The following IFT57 variants were observed in gnomAD, a reference collection of about 807,000 sequenced individuals.
IFT57 encodes intraflagellar transport 57.
IFT57 carries 59 observed loss-of-function variants against 56.8 expected under a neutral mutation model. That is an observed-to-expected ratio of 1.04 (90% CI 0.84 to 1.29). The LOEUF (loss-of-function observed/expected upper bound fraction) is 1.29. Among genes scored for constraint, IFT57 ranks in the 50% most tolerant of loss-of-function variants. The pLI is 0.00. For synonymous variants in IFT57, 209 were observed against 186.1 expected (o/e 1.12, Z -1.00); for missense variants, 470 against 522.1 (o/e 0.90, Z 0.97).
chr3:108,181,383 T>C (rs1417909728), intron 6 of IFT57, among the ~76,000 whole-genome samples: 1 of 152,058 alleles, frequency 6.6e-6, no homozygotes, highest in African/African-American at 2.4e-5. Context: ...ACAGCTGACC[T>C]TGCAATACAA....
At chr3:108,217,806 T>G (rs1403339980) in intron 3 of IFT57, among the ~76,000 whole-genome samples, 1 of 151,624 alleles carries the variant, frequency 6.6e-6, no homozygotes, top group East Asian at 1.9e-4. Flanking sequence ...AATCCCAAAC[T>G]GCAAAGCATA....
chr3:108,212,334 G>A (rs757488530), intron 4 of IFT57, among the ~76,000 whole-genome samples: 42 of 151,960 alleles, frequency 2.8e-4, no homozygotes, highest in African/African-American at 8.9e-4. Context: ...ACCGCCTCCC[G>A]AAGAGCTGGG....
chr3:108,203,412 T>C (rs2080290747), intron 5 of IFT57, among the ~76,000 whole-genome samples: 1 of 152,242 alleles, frequency 6.6e-6, no homozygotes, highest in Non-Finnish European at 1.5e-5. Flanking sequence ...CTCAGGAATA[T>C]GCTTGTGTAG....
rs377499747 is a variant in IFT57 at position 108,165,829 on chromosome 3, G to A, written c.982-336C>T. Among the ~76,000 whole-genome samples, 7 of 152,114 alleles carry A rather than the reference G, an allele frequency of 4.6e-5. No individual in the cohort carries two copies. The East Asian group carries it at 7.7e-4, about 17-fold the overall frequency. On this transcript the variant is annotated intron_variant, in intron 8 of 10. Coordinates refer to ENST00000264538, the MANE Select transcript of IFT57 (RefSeq NM_018010.4). ...TTGGTCAATCTAATTTGCATGCTCC[G>A]CAGAGAAAGTCCGTTCTAAAACCAA...
intron 5 of IFT57, among the ~76,000 whole-genome samples, chr3:108,193,272 C>T (rs879386083): frequency 7.9e-5 from 12 of 152,158 alleles, no homozygotes; most frequent in Non-Finnish European, 1.8e-4. Flanking sequence ...TTTGAACTCA[C>T]TCCCAATTAA....
At chr3:108,175,426 T>C (rs1317780624) in intron 6 of IFT57, among the ~76,000 whole-genome samples, 1 of 151,848 alleles carries the variant, frequency 6.6e-6, no homozygotes, top group Non-Finnish European at 1.5e-5. Flanking sequence ...CTCCAAATTC[T>C]TTAGCACTAA....
At chr3:108,218,844 A>C (rs1166979096) in intron 2 of IFT57, among the ~76,000 whole-genome samples, 191 bp from the exon 3 acceptor site, 2 of 152,168 alleles carry the variant, frequency 1.3e-5, no homozygotes, top group Non-Finnish European at 2.9e-5. Context: ...ATACTCAAAG[A>C]CTTTTATTGT....
intron 6 of IFT57, among the ~76,000 whole-genome samples, chr3:108,177,742 A>C (rs1295234120): frequency 2.0e-5 from 3 of 151,850 alleles, no homozygotes; most frequent in Non-Finnish European, 4.4e-5. Flanking sequence ...AAAAGACATA[A>C]AGATAATATC....
At chr3:108,189,204 C>A (rs1171082101) in intron 6 of IFT57, among the ~76,000 whole-genome samples, 2 of 152,138 alleles carry the variant, frequency 1.3e-5, no homozygotes, top group African/African-American at 4.8e-5. Context: ...ACCTGCAATG[C>A]AATCAATTAA....
At chr3:108,197,383 T>A (rs1368746294) in intron 5 of IFT57, among the ~76,000 whole-genome samples, 1 of 152,120 alleles carries the variant, frequency 6.6e-6, no homozygotes, top group African/African-American at 2.4e-5. Context: ...GAGAAACTGA[T>A]GAGATGGGAA....
chr3:108,178,999 C>T (rs757954890), intron 6 of IFT57, among the ~76,000 whole-genome samples: 1 of 151,716 alleles, frequency 6.6e-6, no homozygotes, highest in Non-Finnish European at 1.5e-5. Context: ...CAGCATTATG[C>T]ATAATAGTCC....
intron 5 of IFT57, among the ~76,000 whole-genome samples, chr3:108,197,657 T>C (rs892013986): frequency 3.8e-4 from 58 of 152,192 alleles, no homozygotes; most frequent in African/African-American, 1.4e-3. Flanking sequence ...ATCATATACC[T>C]ACTGAGAGGG....
chr3:108,202,270 C>G (rs1239644080), intron 5 of IFT57, among the ~76,000 whole-genome samples: 1 of 152,154 alleles, frequency 6.6e-6, no homozygotes, highest in African/African-American at 2.4e-5. Flanking sequence ...AAGGGAGATA[C>G]AAAGACTACT....
rs13321756 is a variant in IFT57, at chr3:108,197,341, T to A, written c.655-5698A>T. ...CTACTAGGAAAAGTCTGAGGCCAGT[T>A]AATGGGAGTAATAATTGGTCCTAGG... is the stretch of plus-strand genomic sequence containing the variant. On this transcript the variant is annotated intron_variant, in intron 5 of 10. Coordinates refer to ENST00000264538, the MANE Select transcript of IFT57 (RefSeq NM_018010.4). Among the ~76,000 whole-genome samples, 700 of 152,274 alleles carry A rather than the reference T, an allele frequency of 4.6e-3. 2 individuals are homozygous for A. The highest frequency in any genetic ancestry group is 0.016 in the African/African-American group (663 of 41,542).
rs1479678000 is a variant in IFT57, at chr3:108,169,201, G to A, written c.778-1337C>T. 2.0e-5 allele frequency among the ~76,000 whole-genome samples: 3 copies of A among 152,168 alleles called. No individual in the cohort carries two copies. In the Middle Eastern group the frequency reaches 0.01, roughly 518 times the overall value. On this transcript the variant is annotated intron_variant, in intron 6 of 10. Transcript: ENST00000264538. ...TCACCACTCTAACTGGCATGAGATG[G>A]TATCTCATTGTGGTTTTGATTTGCA...
intron 5 of IFT57, among the ~76,000 whole-genome samples, chr3:108,202,525 CTAAATT>C (rs1483552388): frequency 6.6e-6 from 1 of 152,168 alleles, no homozygotes; most frequent in Non-Finnish European, 1.5e-5. Context: ...GTAGCTTTGG[CTAAATT>C]TCAGATTTCA....
At chr3:108,173,766 C>CTGTGTGTGTGTGTGTGTGTG (rs59233165) in intron 6 of IFT57, among the ~76,000 whole-genome samples, 126 of 124,684 alleles carry the variant, frequency 1.0e-3, no homozygotes, top group Non-Finnish European at 1.7e-3. Context: ...GTCAGGGACT[C>CTGTGTGTGTGTGTGTGTGTG]TGTGTGTGTG....
chr3:108,195,207 C>G (rs1445986630), intron 5 of IFT57, among the ~76,000 whole-genome samples: 7 of 151,998 alleles, frequency 4.6e-5, no homozygotes, highest in African/African-American at 1.7e-4. Context: ...AAATGGCCAG[C>G]AATTATACGA....
In IFT57 at chr3:108,162,641, T is replaced by C. The variant is rs2080040282; in HGVS notation, c.1126A>G (p.Ile376Val). Residue 376 changes from isoleucine (I) to valine (V), a missense_variant, in exon 11 of 11, where the codon ATT becomes GTT. Coordinates refer to ENST00000264538, the MANE Select transcript of IFT57 (RefSeq NM_018010.4). ...TTCAGTTTTGTTAAGCTCTGTTTAATCTTCACCAAAGGAGCTGCAGAATGA... is the reference window on the plus strand; with the variant it reads ...TTCAGTTTTGTTAAGCTCTGTTTAACCTTCACCAAAGGAGCTGCAGAATGA... ...SMTDGAPLVK[I>V]KQSLTKLKQE... 1 of 1,602,624 alleles carries C rather than the reference T, an allele frequency of 6.2e-7. No individual in the cohort carries two copies. Among genetic ancestry groups the C allele is most frequent in the Non-Finnish European group, 8.5e-7 (1 of 1,174,324 alleles).
Sources: gnomAD v4.1 joint callset for allele counts (sites outside exome capture counted in the v4.1 genomes callset) on GRCh38, gnomAD v4.1.1 for gene constraint, MANE v1.5 for transcripts, NCBI Gene and HGNC (gene_info 2026-07-23, HGNC 2026-07-21) for gene names.